The following INPP5F variants were observed in gnomAD, a reference collection of about 807,000 sequenced individuals.
INPP5F encodes the protein inositol polyphosphate-5-phosphatase F.
A neutral mutation model predicts 137.2 loss-of-function variants in INPP5F; 97 were observed. That is an observed-to-expected ratio of 0.71 (90% CI 0.60 to 0.84). The LOEUF (loss-of-function observed/expected upper bound fraction) is 0.84, where lower values mean the gene tolerates loss of function less well. INPP5F is among the 40% of genes least tolerant of loss of function. The pLI, the probability that INPP5F is intolerant of heterozygous loss-of-function variation, is 0.00. For synonymous variants in INPP5F, 504 were observed against 476.9 expected (o/e 1.06, Z -0.74); for missense variants, 1,271 against 1,371.9 (o/e 0.93, Z 1.16).
chr10:119,755,654 G>A (rs1168069955), intron 2 of INPP5F, among the ~76,000 whole-genome samples: 8 of 152,118 alleles, frequency 5.3e-5, no homozygotes, highest in Non-Finnish European at 1.0e-4. Context: ...TGCTGCTTGT[G>A]CTCATTTCAG....
Position 119,827,717 on chromosome 10 carries a change from A to C in INPP5F, c.3336A>C (p.Gln1112His). ...CTCCAGAACCTGAAATCATTAATCA[A>C]GTCCAGCAAAATGAACTTAAAAAGA... is the stretch of plus-strand genomic sequence containing the variant. ...KSPPEPEIIN[Q>H]VQQNELKKMF... Residue 1112 changes from glutamine (Q) to histidine (H), a missense_variant, in exon 20 of 20, where the codon CAA becomes CAC. Coordinates refer to ENST00000650623, the MANE Select transcript of INPP5F (RefSeq NM_014937.4). The C allele has an allele frequency of 6.2e-7, 1 of 1,613,838 alleles. No homozygotes were observed. Among genetic ancestry groups the C allele is most frequent in the Non-Finnish European group, 8.5e-7 (1 of 1,179,786 alleles).
At chr10:119,811,647 T>C in intron 14 of INPP5F, 110 bp from the exon 15 acceptor site, 1 of 806,412 alleles carries the variant, frequency 1.2e-6, no homozygotes, top group South Asian at 1.9e-5. Flanking sequence ...AGATTTATGC[T>C]TGTGTTTTCT....
intron 2 of INPP5F, among the ~76,000 whole-genome samples, chr10:119,757,790 C>CA (rs201795403): frequency 0.04 from 5,913 of 149,536 alleles, 169 homozygotes; most frequent in South Asian, 0.14. Context: ...GACTCCATCT[C>CA]AAAAAAAAAG....
intron 1 of INPP5F, among the ~76,000 whole-genome samples, chr10:119,738,694 GTA>G (rs1564800575): frequency 6.6e-6 from 1 of 151,906 alleles, no homozygotes; most frequent in Non-Finnish European, 1.5e-5. Flanking sequence ...AGTGTCAGCT[GTA>G]TGCCAGGCGC....
At chr10:119,815,067 C>A (rs36037572) in intron 15 of INPP5F, among the ~76,000 whole-genome samples, 188 of 152,052 alleles carry the variant, frequency 1.2e-3, no homozygotes, top group African/African-American at 4.4e-3. Context: ...GCGTTTCACC[C>A]TGTTAGCCAG....
At chr10:119,772,414 C>T (rs1002901473) in intron 2 of INPP5F, among the ~76,000 whole-genome samples, 12 of 151,974 alleles carry the variant, frequency 7.9e-5, no homozygotes, top group Non-Finnish European at 1.3e-4. Context: ...TTGATTGATA[C>T]AGCTCTTTCT....
intron 2 of INPP5F, among the ~76,000 whole-genome samples, chr10:119,753,061 C>T (rs779312808): frequency 1.3e-5 from 2 of 151,918 alleles, no homozygotes; most frequent in African/African-American, 2.4e-5. Context: ...AGCACTTAGT[C>T]GTTGAGTAAC....
At chr10:119,780,175 A>T (rs369495647) in intron 2 of INPP5F, among the ~76,000 whole-genome samples, 19 of 152,304 alleles carry the variant, frequency 1.2e-4, no homozygotes, top group East Asian at 9.6e-4. Flanking sequence ...GTTGACTGAA[A>T]CATCATTATG....
Position 119,796,502 on chromosome 10 carries a change from C to T in INPP5F, c.670-213C>T, listed in dbSNP as rs147331155. Among the ~76,000 whole-genome samples the T allele has an allele frequency of 3.9e-5, 6 of 152,294 alleles. No individual in the cohort carries two copies. In the East Asian group the frequency reaches 1.2e-3, roughly 29 times the overall value. On this transcript the variant is annotated intron_variant, in intron 6 of 19. Coordinates refer to ENST00000650623, the MANE Select transcript of INPP5F (RefSeq NM_014937.4). Reference sequence around the variant, plus strand: ...GAGCTTGGATTTGTACCCAGGCAGCCTGGCTCTTAGGCTGTGTTCACCATA... The same window carrying T: ...GAGCTTGGATTTGTACCCAGGCAGCTTGGCTCTTAGGCTGTGTTCACCATA...
intron 2 of INPP5F, among the ~76,000 whole-genome samples, chr10:119,758,975 C>G (rs1236395808): frequency 1.3e-5 from 2 of 152,152 alleles, no homozygotes; most frequent in Admixed American, 1.3e-4. Context: ...AATGGAGTGT[C>G]ACTAGCATTG....
At chr10:119,762,782 G>A (rs1344730269) in intron 2 of INPP5F, among the ~76,000 whole-genome samples, 1 of 152,128 alleles carries the variant, frequency 6.6e-6, no homozygotes, top group Non-Finnish European at 1.5e-5. Flanking sequence ...TTACTGAGGG[G>A]TGACTGTATG....
At position 119,798,574 on chromosome 10, in the gene INPP5F, C is replaced by G. The variant is rs1280256866; in HGVS notation, c.1080C>G (p.Ala360=). Residue 360 remains alanine (A), a synonymous_variant, in exon 9 of 20, where the codon GCC becomes GCG. Transcript: ENST00000650623. ...SEKETVAYFC[A]HFEEQLNIYK... is the part of the protein sequence containing the mutation. ...AGGAAACTGTTGCCTATTTCTGTGCCCATTTCGAAGAACAACTGAACATTT... is the reference window on the plus strand; with the variant it reads ...AGGAAACTGTTGCCTATTTCTGTGCGCATTTCGAAGAACAACTGAACATTT... 4 of 1,612,208 alleles carry G rather than the reference C, an allele frequency of 2.5e-6. No homozygotes were observed. The highest frequency in any genetic ancestry group is 3.4e-6 in the Non-Finnish European group (4 of 1,179,108).
intron 2 of INPP5F, among the ~76,000 whole-genome samples, chr10:119,770,543 G>A (rs1012501315): frequency 2.0e-5 from 3 of 152,088 alleles, no homozygotes; most frequent in East Asian, 1.9e-4. Context: ...CATTCCTGCC[G>A]GACATCTCAG....
intron 6 of INPP5F, among the ~76,000 whole-genome samples, chr10:119,796,435 G>T (rs1270904289): frequency 1.3e-5 from 2 of 152,186 alleles, no homozygotes; most frequent in Non-Finnish European, 2.9e-5. Context: ...GAGAAGGACA[G>T]CGACGGCAAG....
intron 10 of INPP5F, among the ~76,000 whole-genome samples, 155 bp from the exon 11 acceptor site, chr10:119,805,229 A>G (rs1489982999): frequency 6.6e-6 from 1 of 152,224 alleles, no homozygotes; most frequent in Non-Finnish European, 1.5e-5. Context: ...ACATTTACCT[A>G]ATTGCCTATA....
intron 2 of INPP5F, among the ~76,000 whole-genome samples, chr10:119,765,907 T>A (rs1451472195): frequency 2.0e-5 from 3 of 149,042 alleles, no homozygotes; most frequent in African/African-American, 7.5e-5. Flanking sequence ...AGACGGAGAT[T>A]TAACATCTAT....
intron 2 of INPP5F, among the ~76,000 whole-genome samples, chr10:119,751,580 T>G (rs951723900): frequency 5.3e-5 from 8 of 152,110 alleles, no homozygotes; most frequent in Non-Finnish European, 8.8e-5. Context: ...CACAGTGTGG[T>G]CCTGTCAGGG....
In INPP5F at chr10:119,726,379, C is replaced by A; in HGVS notation, c.97+20C>A. On this transcript the variant is annotated intron_variant, in intron 1 of 19. Coordinates refer to ENST00000650623, the MANE Select transcript of INPP5F (RefSeq NM_014937.4). The stretch of plus-strand genomic sequence containing the variant: ...GACCCGGTGAGGCTGGCGGTGCGGG[C>A]GGGGGGCACCCCGGGCCAGGGCGGG... The A allele has an allele frequency of 3.1e-6, 4 of 1,271,464 alleles. No homozygotes were observed. The highest frequency in any genetic ancestry group is 4.5e-5 in the South Asian group (2 of 44,462). 78.8% of individuals were successfully genotyped at this position (1,271,464 alleles called of 1,614,324 possible).
chr10:119,782,896 T>C (rs1317367895), intron 3 of INPP5F, among the ~76,000 whole-genome samples: 2 of 152,056 alleles, frequency 1.3e-5, no homozygotes, highest in African/African-American at 4.8e-5. Context: ...GGGAGGAACT[T>C]TGGGGACAGG....
Sources: allele counts gnomAD v4.1 joint callset (sites outside exome capture counted in the v4.1 genomes callset), GRCh38; gene constraint gnomAD v4.1.1; transcripts MANE v1.5; gene names NCBI Gene and HGNC (gene_info 2026-07-23, HGNC 2026-07-21).